Variants in SIK3 observed in about 807,000 individuals in gnomAD.
SIK3 encodes serine/threonine-protein kinase SIK3.
Under a neutral mutation model 144.2 loss-of-function variants are expected in SIK3, and 28 were observed. The observed-to-expected ratio is 0.19, with a 90% CI of 0.14 to 0.27. The LOEUF (loss-of-function observed/expected upper bound fraction) is 0.27. Ranked by LOEUF, SIK3 falls within the 10% of genes least tolerant of loss-of-function variation. The probability of loss-of-function intolerance (pLI) is 1.00; values close to 1 mark genes in which losing one functional copy is unlikely to be tolerated. For synonymous variants in SIK3, 686 were observed against 676.3 expected, an observed-to-expected ratio of 1.01 and a Z score of -0.22; for missense variants, 1,319 against 1,776.0, an observed-to-expected ratio of 0.74 and a Z score of 4.62.
At chr11:116,988,039 T>C (rs533769948) in intron 1 of SIK3, among the ~76,000 whole-genome samples, 69 of 152,270 alleles carry the variant, frequency 4.5e-4, no homozygotes, top group Middle Eastern at 3.4e-3. Context: ...CCTAACCCCT[T>C]TGTTTCACAG....
intron 1 of SIK3, chr11:117,036,126 C>T: frequency 1.9e-6 from 1 of 537,302 alleles, no homozygotes; most frequent in Non-Finnish European, 3.2e-6. Context: ...CACTTTGTCA[C>T]CTAGGCTTGT....
intron 1 of SIK3, among the ~76,000 whole-genome samples, chr11:117,095,135 A>T (rs1053133319): frequency 2.7e-5 from 4 of 149,118 alleles, no homozygotes; most frequent in African/African-American, 9.9e-5. Context: ...GCAGTATCCT[A>T]CTCAATAAAT....
rs1319132577 is a variant in SIK3 at position 117,016,396 on chromosome 11, GA to G, written c.274-59333del. ...AGAGGGAGGGAGAGAGGGAGGGAGG[GA>G]AGGAAGGAAGGAAGGAAGGAAGGAA... On this transcript the variant is annotated intron_variant, in intron 1 of 24. Transcript: ENST00000445177. Among the ~76,000 whole-genome samples, 357 of 100,206 alleles carry G rather than the reference GA, an allele frequency of 3.6e-3. 4 individuals carry two copies. Among genetic ancestry groups the G allele is most frequent in the East Asian group, 0.012 (17 of 1,472 alleles). 65.7% of individuals were successfully genotyped at this position (100,206 alleles called of 152,430 possible). A position where few individuals can be genotyped will look rare whatever the true frequency, so the allele number is the denominator to read the frequency against.
chr11:116,867,029 C>T lies in SIK3; in HGVS notation c.1952+917G>A, dbSNP rs899706595. Among the ~76,000 whole-genome samples, 1 of 152,196 alleles carries T rather than the reference C, an allele frequency of 6.6e-6. No homozygotes were observed. The highest frequency in any genetic ancestry group is 1.5e-5 in the Non-Finnish European group (1 of 68,046). ...GCCTCAGTAAAAAAAATGTGTCAAG[C>T]TTGCCAGTGCAAGCTGGCTGCAAGA... On this transcript the variant is annotated intron_variant, in intron 15 of 24. Transcript: ENST00000445177. The surrounding 1 kb of genome is among the most constrained non-coding windows in gnomAD (Gnocchi z 4.1).
intron 4 of SIK3, among the ~76,000 whole-genome samples, chr11:116,916,977 C>T (rs1261846594): frequency 6.6e-6 from 1 of 151,694 alleles, no homozygotes; most frequent in Non-Finnish European, 1.5e-5. Flanking sequence ...TTTTAAGAGA[C>T]AGGGTCTCGC....
At chr11:117,000,105 T>C (rs1001499178) in intron 1 of SIK3, among the ~76,000 whole-genome samples, 5 of 152,216 alleles carry the variant, frequency 3.3e-5, no homozygotes, top group Non-Finnish European at 5.9e-5. Flanking sequence ...ATTTTTTTCA[T>C]TGTTGCTAAA....
intron 1 of SIK3, among the ~76,000 whole-genome samples, chr11:117,092,149 G>A (rs902259783): frequency 2.6e-4 from 39 of 151,932 alleles, no homozygotes; most frequent in African/African-American, 7.5e-4. Context: ...TGTCACCCCC[G>A]TGTCACACCC....
chr11:117,032,679 T>C lies in SIK3; in HGVS notation c.273+65464A>G, dbSNP rs1393284581. ...CATCACCACACCCACCTTTTCTTTTTTTTTTTTTTTTAAAAGAGATGGGTT... is the reference window on the plus strand; with the variant it reads ...CATCACCACACCCACCTTTTCTTTTCTTTTTTTTTTTAAAAGAGATGGGTT... On this transcript the variant is annotated intron_variant, in intron 1 of 24. Transcript: ENST00000445177. 3.3e-5 allele frequency among the ~76,000 whole-genome samples: 5 copies of C among 151,578 alleles called. No individual in the cohort carries two copies. The East Asian group carries it at 9.7e-4, about 29-fold the overall frequency.
chr11:117,005,336 G>GAAAAAA (rs35279676), intron 1 of SIK3, among the ~76,000 whole-genome samples: 7 of 55,974 alleles, frequency 1.3e-4, no homozygotes, highest in Admixed American at 2.6e-4. Context: ...CCCCGTCTCA[G>GAAAAAA]AAAAAAAAAA....
intron 1 of SIK3, among the ~76,000 whole-genome samples, chr11:116,973,603 G>A (rs992379165): frequency 6.6e-6 from 1 of 152,082 alleles, no homozygotes; most frequent in Non-Finnish European, 1.5e-5. Flanking sequence ...ATTATGAAAG[G>A]GGGGGAAAGA....
At chr11:116,963,656 G>A (rs2135428849) in intron 1 of SIK3, among the ~76,000 whole-genome samples, 1 of 152,208 alleles carries the variant, frequency 6.6e-6, no homozygotes, top group African/African-American at 2.4e-5. Flanking sequence ...GAGAACAACT[G>A]CCCTTAAAGC....
intron 4 of SIK3, chr11:116,905,072 A>C (rs1159422786): frequency 6.1e-6 from 1 of 164,932 alleles, no homozygotes; most frequent in African/African-American, 2.4e-5. Context: ...CCCAAAAAGA[A>C]ACCCTGTGCT....
At chr11:117,055,205 C>T (rs921698250) in intron 1 of SIK3, among the ~76,000 whole-genome samples, 2 of 152,158 alleles carry the variant, frequency 1.3e-5, no homozygotes, top group African/African-American at 4.8e-5. Context: ...TTCTAACAGG[C>T]AGCTCAATAT....
At chr11:116,941,389 C>T (rs1440300724) in intron 3 of SIK3, among the ~76,000 whole-genome samples, 1 of 130,212 alleles carries the variant, frequency 7.7e-6, no homozygotes, top group Admixed American at 8.3e-5. Flanking sequence ...AAGGATGCTG[C>T]GGATTAAATA....
chr11:116,847,649 A>G lies in SIK3; in HGVS notation c.3820-41T>C, dbSNP rs374005261. On this transcript the variant is annotated intron_variant, in intron 22 of 24. Transcript: ENST00000445177. The stretch of plus-strand genomic sequence containing the variant: ...AAGAGAAGAAATAAGCACACAAGAC[A>G]CCACTCTCAGGCAACCCCTAGAGAC... The G allele has an allele frequency of 8.0e-4, 1,285 of 1,612,040 alleles. 1 individual carries two copies. The highest frequency in any genetic ancestry group is 9.3e-4 in the Non-Finnish European group (1,092 of 1,179,546).
chr11:116,939,821 T>C (rs540095259), intron 3 of SIK3, among the ~76,000 whole-genome samples: 7 of 152,264 alleles, frequency 4.6e-5, no homozygotes, highest in Admixed American at 2.0e-4. Context: ...ATAGATAGCA[T>C]AGAAAAAAAG....
intron 3 of SIK3, among the ~76,000 whole-genome samples, chr11:116,951,073 T>C (rs1948913172): frequency 6.6e-6 from 1 of 152,180 alleles, no homozygotes; most frequent in Non-Finnish European, 1.5e-5. Context: ...ATATATGCGA[T>C]CTCATTTAAT....
chr11:117,036,355 T>C (rs1161061606), intron 1 of SIK3, among the ~76,000 whole-genome samples: 1 of 152,186 alleles, frequency 6.6e-6, no homozygotes, highest in African/African-American at 2.4e-5. Flanking sequence ...GGAAGACCCA[T>C]TCTGACTACC....
chr11:116,974,958 C>G (rs1486084747), intron 1 of SIK3, among the ~76,000 whole-genome samples: 1 of 152,096 alleles, frequency 6.6e-6, no homozygotes. Flanking sequence ...AAAATAGTAT[C>G]CATCTCTCCT....
Sources: gnomAD v4.1 joint callset for allele counts (sites outside exome capture counted in the v4.1 genomes callset) on GRCh38, gnomAD v4.1.1 for gene constraint, Gnocchi (gnomAD v3.1) non-coding constraint, MANE v1.5 for transcripts, NCBI Gene and HGNC (gene_info 2026-07-23, HGNC 2026-07-21) for gene names.